Variants in CPD observed in about 807,000 individuals in gnomAD.
The protein encoded by CPD is metallocarboxypeptidase D.
A neutral mutation model predicts 138.3 loss-of-function variants in CPD; 69 were observed. The observed-to-expected ratio is 0.50, with a 90% CI of 0.41 to 0.61. The LOEUF is 0.61. Ranked by LOEUF, CPD falls within the 20% of genes least tolerant of loss-of-function variation. The pLI, the probability that CPD is intolerant of heterozygous loss-of-function variation, is 0.00. For missense variants in CPD, 1,432 were observed against 1,733.3 expected (o/e 0.83, Z 3.09); for synonymous variants, 651 against 642.1 (o/e 1.01, Z -0.21).
intron 19 of CPD, 112 bp downstream of exon 19, chr17:30,462,174 G>A: frequency 1.8e-6 from 2 of 1,136,926 alleles, no homozygotes; most frequent in Non-Finnish European, 2.5e-6. Flanking sequence ...AATTAAAAGT[G>A]TGACTGCCTC....
At chr17:30,387,980 A>T (rs1911239240) in intron 2 of CPD, among the ~76,000 whole-genome samples, 1 of 152,178 alleles carries the variant, frequency 6.6e-6, no homozygotes, top group Admixed American at 6.5e-5. Context: ...CTCTGTAGGC[A>T]GGTCACCCAG....
chr17:30,427,749 C>T (rs1912458868), intron 7 of CPD, among the ~76,000 whole-genome samples, 191 bp downstream of exon 7: 1 of 152,046 alleles, frequency 6.6e-6, no homozygotes, highest in South Asian at 2.1e-4. Context: ...TTTCCTCCTT[C>T]TTTCTCTCTT....
chr17:30,456,657 C>G, intron 17 of CPD, 131 bp downstream of exon 17: 1 of 758,464 alleles, frequency 1.3e-6, no homozygotes, highest in Non-Finnish European at 2.3e-6. Flanking sequence ...GCCTGGCCAA[C>G]ATGGTGAAAC....
chr17:30,388,508 C>T, intron 2 of CPD, among the ~76,000 whole-genome samples: 1 of 152,232 alleles, frequency 6.6e-6, no homozygotes, highest in African/African-American at 2.4e-5. Flanking sequence ...TGTGCGTACC[C>T]CTCCGGGCAG....
chr17:30,461,218 A>C lies in CPD; in HGVS notation c.3537A>C (p.Thr1179=), dbSNP rs745524838. The part of the protein sequence containing the change: ...SVTYGHCPEI[T]VYTSCCYFPS... The stretch of plus-strand genomic sequence containing the variant: ...CCTATGGCCATTGTCCGGAAATCAC[A>C]GTATACACAAGCTGCTGTTACTTTC... The change falls in exon 18 of 21, where the codon ACA becomes ACC. Residue 1179 remains threonine (T), a synonymous_variant. Transcript: ENST00000225719. The C allele has an allele frequency of 1.2e-6, 2 of 1,610,280 alleles. No homozygotes were observed. The highest frequency in any genetic ancestry group is 1.7e-6 in the Non-Finnish European group (2 of 1,178,330).
chr17:30,379,096 C>A lies in CPD; in HGVS notation c.116C>A (p.Ala39Glu). 1.3e-6 allele frequency: 2 copies of A among 1,555,084 alleles called. No individual in the cohort carries two copies. Among genetic ancestry groups the A allele is most frequent in the Admixed American group, 1.9e-5 (1 of 53,846 alleles). ...GCGGCTCACATCAAGAAGGCGGAGG[C>A]GACTACCACAACTACGAGCGCGGGC... Reference protein sequence around the residue: ...ARAAHIKKAEATTTTTSAGAE... With the variant: ...ARAAHIKKAEETTTTTSAGAE... The change falls in exon 1 of 21, where the codon GCG becomes GAG. Residue 39 changes from alanine to glutamate, a missense_variant. Ala to Glu is a moderately radical substitution (Grantham distance 107). Transcript: ENST00000225719. This position sits in a 1 kb window ranked among gnomAD's most constrained non-coding sequence, Gnocchi z 7.0.
At chr17:30,433,385 C>T (rs1300752560) in intron 8 of CPD, among the ~76,000 whole-genome samples, 1 of 152,100 alleles carries the variant, frequency 6.6e-6, no homozygotes, top group Non-Finnish European at 1.5e-5. Context: ...GCTTCTAGTT[C>T]CTTATCTTCT....
At chr17:30,417,273 T>C (rs1015181567) in intron 2 of CPD, among the ~76,000 whole-genome samples, 45 of 152,284 alleles carry the variant, frequency 3.0e-4, no homozygotes, top group Admixed American at 2.6e-3. Context: ...ACCTTGTCTG[T>C]TTTGTTCATC....
chr17:30,437,022 A>G (rs1912721498), intron 8 of CPD, among the ~76,000 whole-genome samples: 1 of 152,140 alleles, frequency 6.6e-6, no homozygotes, highest in African/African-American at 2.4e-5. Context: ...AAGTCACAAG[A>G]GACTACATAT....
chr17:30,411,230 G>A (rs1045502915), intron 2 of CPD, among the ~76,000 whole-genome samples: 2 of 152,210 alleles, frequency 1.3e-5, no homozygotes, highest in African/African-American at 4.8e-5. Context: ...GAGATCTGCT[G>A]TTAGTCCGAT....
intron 20 of CPD, among the ~76,000 whole-genome samples, chr17:30,463,488 C>G (rs891239468): frequency 6.6e-6 from 1 of 152,078 alleles, no homozygotes; most frequent in Non-Finnish European, 1.5e-5. Flanking sequence ...ATATTAGTTC[C>G]GCTTTTTCAA....
intron 2 of CPD, among the ~76,000 whole-genome samples, chr17:30,393,583 A>T (rs557424429): frequency 6.6e-6 from 1 of 152,380 alleles, no homozygotes; most frequent in South Asian, 2.1e-4. Context: ...CTAGTAGGTC[A>T]TAGAGATCAT....
chr17:30,379,038 A>G lies in CPD; in HGVS notation c.58A>G (p.Met20Val). 6.4e-7 allele frequency: 1 copy of G among 1,561,702 alleles called. No individual in the cohort carries two copies. Among genetic ancestry groups the G allele is most frequent in the South Asian group, 1.2e-5 (1 of 86,590 alleles). Residue 20 changes from methionine (M) to valine (V), a missense_variant, in exon 1 of 21, where the codon ATG (methionine) becomes GTG (valine). By Grantham distance (21) the Met-to-Val change is conservative. Transcript: ENST00000225719. This position sits in a 1 kb window ranked among gnomAD's most constrained non-coding sequence, Gnocchi z 7.0. ...GCGGCTAGGGCGGCTCCTGTTGCTC[A>G]TGTGCCTGCTGCTGCTGGGGAGCTC... ...PWRLGRLLLLMCLLLLGSSAR... is the reference protein window; with the variant it reads ...PWRLGRLLLLVCLLLLGSSAR...
At chr17:30,447,412 G>C (rs1439142919) in intron 12 of CPD, 1 of 152,144 alleles carries the variant, frequency 6.6e-6, no homozygotes, top group Non-Finnish European at 1.5e-5. Flanking sequence ...GGAACTTTAA[G>C]GAGAATTACT....
rs762813889 is a variant in CPD, at chr17:30,468,644, CAG to C, written c.*3832_*3833del. ...GTCCTTTCTGTTTTTTATATGTAAACAGATCTACTAATCCTGTATAAAAGTTA... is the reference window on the plus strand; with the variant it reads ...GTCCTTTCTGTTTTTTATATGTAAACATCTACTAATCCTGTATAAAAGTTA... On this transcript the variant is annotated 3_prime_UTR_variant, in exon 21 of 21. Transcript: ENST00000225719. The C allele has an allele frequency of 1.3e-5, 2 of 152,564 alleles. No homozygotes were observed. The highest frequency in any genetic ancestry group is 6.5e-5 in the Admixed American group (1 of 15,274). 9.5% of individuals were successfully genotyped at this position (152,564 alleles called of 1,614,324 possible). A position where few individuals can be genotyped will look rare whatever the true frequency, so the allele number is the denominator to read the frequency against.
In CPD at chr17:30,391,600, AAG is replaced by A. The variant is rs571317880; in HGVS notation, c.994+6371_994+6372del. Among the ~76,000 whole-genome samples the A allele has an allele frequency of 6.7e-4, 102 of 152,312 alleles. No homozygotes were observed. In the South Asian group the frequency reaches 0.019, roughly 28 times the overall value. On this transcript the variant is annotated intron_variant, in intron 2 of 20. Coordinates refer to ENST00000225719, the MANE Select transcript of CPD (RefSeq NM_001304.5). Reference sequence around the variant, plus strand: ...TAGAAGGCAGTGCAATGTAGTGGCAAAGAGAGAGCTTTGGAATCCCGTTGCCT... The same window carrying A: ...TAGAAGGCAGTGCAATGTAGTGGCAAAGAGAGCTTTGGAATCCCGTTGCCT...
intron 2 of CPD, among the ~76,000 whole-genome samples, chr17:30,401,323 C>T (rs1172245307): frequency 6.6e-6 from 1 of 151,682 alleles, no homozygotes; most frequent in African/African-American, 2.4e-5. Flanking sequence ...TCTTCCTCCT[C>T]TTCTTCCTCT....
At position 30,425,110 on chromosome 17, in the gene CPD, A is replaced by G. The variant is rs1290945599; in HGVS notation, c.1849+1413A>G. 4.0e-5 allele frequency among the ~76,000 whole-genome samples: 5 copies of G among 124,748 alleles called. No individual in the cohort carries two copies. In the South Asian group the frequency reaches 1.1e-3, roughly 28 times the overall value. The allele number at this position is 124,748 out of a possible 152,430, so 81.8% of individuals were successfully genotyped here. ...AACTAATTACACTAGTGAGCCCTCC[A>G]GTTTTCTTTAGTCTCTTGCAATTTT... On this transcript the variant is annotated intron_variant, in intron 6 of 20. Coordinates refer to ENST00000225719, the MANE Select transcript of CPD (RefSeq NM_001304.5).
chr17:30,455,516 G>C (rs1179083147), intron 15 of CPD, 46 bp downstream of exon 15: 2 of 1,576,480 alleles, frequency 1.3e-6, no homozygotes, highest in Non-Finnish European at 1.7e-6. Context: ...AGCTTAGGTA[G>C]CAAATCCCAA....
Sources: gnomAD v4.1 joint callset for allele counts (sites outside exome capture counted in the v4.1 genomes callset) on GRCh38, gnomAD v4.1.1 for gene constraint, Gnocchi (gnomAD v3.1) non-coding constraint, MANE v1.5 for transcripts, NCBI Gene and HGNC (gene_info 2026-07-23, HGNC 2026-07-21) for gene names.